RTEL1: variants seen among roughly 807,000 people sequenced by gnomAD.
RTEL1 encodes the protein regulator of telomere elongation helicase 1.
In RTEL1, 86 loss-of-function variants were observed where a neutral mutation model predicts 162.2. The observed-to-expected ratio is 0.53, with a 90% CI of 0.45 to 0.63. The LOEUF is 0.63. Ranked by LOEUF, RTEL1 falls within the 30% of genes least tolerant of loss-of-function variation. The pLI, the probability that RTEL1 is intolerant of heterozygous loss-of-function variation, is 0.00. For missense variants in RTEL1, 1,941 were observed against 1,750.2 expected, an observed-to-expected ratio of 1.11 and a Z score of -1.95; for synonymous variants, 958 against 717.9, an observed-to-expected ratio of 1.33 and a Z score of -5.35.
At chr20:63,678,862 G>C (rs113369700) in intron 12 of RTEL1, among the ~76,000 whole-genome samples, 23 of 97,184 alleles carry the variant, frequency 2.4e-4, no homozygotes, top group African/African-American at 5.4e-4. Context: ...CGGAACAGCA[G>C]ACTCTCCCAC....
At chr20:63,665,479 A>G (rs979718201) in intron 6 of RTEL1, among the ~76,000 whole-genome samples, 5 of 152,196 alleles carry the variant, frequency 3.3e-5, no homozygotes, top group African/African-American at 1.2e-4. Flanking sequence ...CAGGGCTGCC[A>G]TGCTGCAGAG....
chr20:63,679,806 G>T, intron 12 of RTEL1, 43 bp from the exon 13 acceptor site: 1 of 1,487,004 alleles, frequency 6.7e-7, no homozygotes. Context: ...GCTGCAGTCT[G>T]GTCCCCCCGC....
intron 14 of RTEL1, chr20:63,681,915 G>T: frequency 2.0e-6 from 2 of 985,398 alleles, no homozygotes; most frequent in Non-Finnish European, 2.4e-6. Flanking sequence ...CCTGCCAAGG[G>T]CTGCTGTGCT....
intron 30 of RTEL1, 69 bp from the exon 31 acceptor site, chr20:63,694,303 T>TC: frequency 1.9e-6 from 1 of 523,068 alleles, no homozygotes; most frequent in Non-Finnish European, 3.9e-6. Context: ...TAGCCAGCCC[T>TC]GCCCCCCCAC....
At position 63,695,106 on chromosome 20, in the gene RTEL1, C is replaced by T. The variant is rs1431888088; in HGVS notation, c.3384C>T (p.Phe1128=). 3 of 1,612,454 alleles carry T rather than the reference C, an allele frequency of 1.9e-6. No individual in the cohort carries two copies. Among genetic ancestry groups the T allele is most frequent in the South Asian group, 1.1e-5 (1 of 91,090 alleles). ...TGCGTCCACACCACAAGCAGCGCTT[C>T]TCACAGACGTGCACAGACCTGACCG... ...MFVRPHHKQR[F]SQTCTDLTGR... The change falls in exon 33 of 35, where the codon TTC becomes TTT. Residue 1128 remains phenylalanine (F), a synonymous_variant. Coordinates refer to ENST00000360203, the MANE Select transcript of RTEL1 (RefSeq NM_001283009.2).
chr20:63,672,537 C>T lies in RTEL1; in HGVS notation c.700-19C>T. ...CCTCTGTGAGCTCCAGCGCTGCGTC[C>T]CTTCTCTTCCTCCTGTAGAGCCGCA... On this transcript the variant is annotated intron_variant, in intron 8 of 34. Transcript: ENST00000360203. The T allele has an allele frequency of 6.4e-7, 1 of 1,563,744 alleles. No homozygotes were observed. Among genetic ancestry groups the T allele is most frequent in the Non-Finnish European group, 8.7e-7 (1 of 1,150,902 alleles).
chr20:63,669,639 GTTTCAC>G (rs1268396842), intron 8 of RTEL1, among the ~76,000 whole-genome samples: 11 of 152,238 alleles, frequency 7.2e-5, no homozygotes, highest in South Asian at 2.1e-4. Flanking sequence ...CTGGACAGAC[GTTTCAC>G]CAAGATGGGT....
chr20:63,658,827 G>C (rs2089962197), intron 1 of RTEL1: 1 of 157,040 alleles, frequency 6.4e-6, no homozygotes, highest in African/African-American at 2.4e-5. Context: ...GCATCTGGTT[G>C]CCCACCCGGG....
chr20:63,676,801 G>GGC (rs1260458160), intron 10 of RTEL1, among the ~76,000 whole-genome samples: 161 of 152,276 alleles, frequency 1.1e-3, no homozygotes, highest in Middle Eastern at 3.4e-3. Flanking sequence ...CAGGTGTGGT[G>GGC]GTGCATGCTT....
intron 7 of RTEL1, among the ~76,000 whole-genome samples, chr20:63,667,080 C>T (rs1360640993): frequency 6.6e-6 from 1 of 152,024 alleles, no homozygotes; most frequent in South Asian, 2.1e-4. Flanking sequence ...ACCTTGTGAT[C>T]CGCCCACCTC....
In RTEL1 at chr20:63,688,530, C is replaced by G; in HGVS notation, c.1725C>G (p.Ala575=). 3 of 1,610,434 alleles carry G rather than the reference C, an allele frequency of 1.9e-6. No homozygotes were observed. The highest frequency in any genetic ancestry group is 2.5e-6 in the Non-Finnish European group (3 of 1,179,488). The change falls in exon 21 of 35, where the codon GCC becomes GCG. Residue 575 remains alanine, a splice_region_variant and synonymous_variant. Coordinates refer to ENST00000360203, the MANE Select transcript of RTEL1 (RefSeq NM_001283009.2). ...VMEKSLEFWR[A]RDLARKMEAL... is the part of the protein sequence containing the mutation. ...GTCCCTGCCTCTTCCTCCCACAGGC[C>G]CGCGACTTGGCCAGGAAGATGGAGG...
chr20:63,682,462 C>T, intron 14 of RTEL1: 1 of 985,740 alleles, frequency 1.0e-6, no homozygotes, highest in Non-Finnish European at 1.2e-6. Context: ...TGGAACGTGG[C>T]CTCCCAGGCC....
chr20:63,660,561 A>T (rs2089999167), intron 2 of RTEL1: 1 of 152,470 alleles, frequency 6.6e-6, no homozygotes, highest in Non-Finnish European at 1.5e-5. Context: ...AAAGTTACAG[A>T]TTAACAGCAT....
intron 22 of RTEL1, 86 bp downstream of exon 22, chr20:63,689,218 G>T: frequency 1.5e-6 from 2 of 1,312,800 alleles, no homozygotes; most frequent in Non-Finnish European, 2.1e-6. Context: ...CTGGGCCCTG[G>T]GGGCTGCCCG....
chr20:63,689,998 C>A, intron 24 of RTEL1, 89 bp from the exon 25 acceptor site: 1 of 1,566,842 alleles, frequency 6.4e-7, no homozygotes, highest in South Asian at 1.1e-5. Context: ...CAGCGTGGGG[C>A]CCCTGCAGCA....
At chr20:63,689,284 G>C (rs1215833783) in intron 22 of RTEL1, 152 bp downstream of exon 22, 4 of 912,366 alleles carry the variant, frequency 4.4e-6, no homozygotes, top group Non-Finnish European at 6.5e-6. Context: ...AGCGTGTCCT[G>C]CTCTGGGCCT....
Position 63,672,627 on chromosome 20 carries a change from T to C in RTEL1, c.765+6T>C. On this transcript the variant is annotated splice_donor_region_variant and intron_variant, in intron 9 of 34. Coordinates refer to ENST00000360203, the MANE Select transcript of RTEL1 (RefSeq NM_001283009.2). ...TTGACGAAGCTCACAACGTGGTGAG[T>C]CTCCGCTGGCCTCCTAAACACCTCC... 6.3e-7 allele frequency: 1 copy of C among 1,577,048 alleles called. No individual in the cohort carries two copies. The highest frequency in any genetic ancestry group is 2.3e-5 in the East Asian group (1 of 43,778).
chr20:63,687,175 A>G (rs1415167421), intron 16 of RTEL1: 1 of 159,504 alleles, frequency 6.3e-6, no homozygotes, highest in East Asian at 1.8e-4. Context: ...GCCCTTGTTC[A>G]CTGCTGACGC....
At chr20:63,678,827 A>ACT (rs1407156896) in intron 12 of RTEL1, among the ~76,000 whole-genome samples, 1 of 76,708 alleles carries the variant, frequency 1.3e-5, no homozygotes, top group Admixed American at 1.6e-4. Context: ...CAGCACACAC[A>ACT]CCCACGGAAC....
Sources: allele counts gnomAD v4.1 joint callset (sites outside exome capture counted in the v4.1 genomes callset), GRCh38; gene constraint gnomAD v4.1.1; transcripts MANE v1.5; gene names NCBI Gene and HGNC (gene_info 2026-07-23, HGNC 2026-07-21).